LRRIQ3: variants seen among roughly 807,000 people sequenced by gnomAD.
The protein encoded by LRRIQ3 is leucine rich repeats and IQ motif containing 3, also known as leucine-rich repeat and IQ domain-containing protein 3.
A neutral mutation model predicts 59.3 loss-of-function variants in LRRIQ3; 75 were observed. The ratio of observed to expected loss-of-function variants is 1.26; its 90% CI spans 1.05 to 1.53. LRRIQ3 has a LOEUF of 1.53. LRRIQ3 is among the 40% of genes most tolerant of loss of function. The pLI is 0.00. For missense variants in LRRIQ3, 831 were observed against 710.0 expected, an observed-to-expected ratio of 1.17 and a Z score of -1.94; for synonymous variants, 250 against 231.3, an observed-to-expected ratio of 1.08 and a Z score of -0.73.
At chr1:74,050,578 A>G in intron 6 of LRRIQ3, 4 of 985,342 alleles carry the variant, frequency 4.1e-6, no homozygotes, top group Non-Finnish European at 4.8e-6. Context: ...CCATCTGTGA[A>G]GAAACAAATG....
intron 3 of LRRIQ3, chr1:74,182,323 T>A (rs1489124097): frequency 3.4e-6 from 1 of 294,018 alleles, no homozygotes; most frequent in Non-Finnish European, 6.1e-6. Flanking sequence ...TCTCTACAAT[T>A]TGATCATTTC....
chr1:74,099,204 TA>T (rs1646494378), intron 5 of LRRIQ3, among the ~76,000 whole-genome samples: 1 of 151,700 alleles, frequency 6.6e-6, no homozygotes, highest in Non-Finnish European at 1.5e-5. Flanking sequence ...ATAGACACAA[TA>T]AAAAATGATA....
At chr1:74,146,279 TTA>T (rs1386669511) in intron 4 of LRRIQ3, among the ~76,000 whole-genome samples, 1 of 152,112 alleles carries the variant, frequency 6.6e-6, no homozygotes, top group Admixed American at 6.6e-5. Flanking sequence ...AATAAAATAA[TTA>T]TGTTATTTAT....
At chr1:74,072,543 T>G (rs1655057079) in intron 6 of LRRIQ3, among the ~76,000 whole-genome samples, 1 of 151,948 alleles carries the variant, frequency 6.6e-6, no homozygotes, top group East Asian at 1.9e-4. Flanking sequence ...ATCACGTTCT[T>G]AAATTTCTTC....
intron 4 of LRRIQ3, among the ~76,000 whole-genome samples, chr1:74,143,069 T>A (rs1224040946): frequency 6.6e-6 from 1 of 152,026 alleles, no homozygotes; most frequent in Non-Finnish European, 1.5e-5. Flanking sequence ...TATTTTTTAT[T>A]CTGAGTTTCA....
rs142481743 is a variant in LRRIQ3 at position 74,105,765 on chromosome 1, T to C, written c.867+3629A>G. Among the ~76,000 whole-genome samples the C allele has an allele frequency of 3.7e-3, 568 of 152,124 alleles. 9 individuals are homozygous for C. Among genetic ancestry groups the C allele is most frequent in the African/African-American group, 0.013 (529 of 41,538 alleles). On this transcript the variant is annotated intron_variant, in intron 5 of 7. Coordinates refer to ENST00000354431, the MANE Select transcript of LRRIQ3 (RefSeq NM_001105659.2). ...TGATCTTACAAAATGGCACTCAACA[T>C]AGCATGTATATAGTTCCATGAGTCT...
intron 6 of LRRIQ3, among the ~76,000 whole-genome samples, chr1:74,046,342 A>G (rs768387063): frequency 6.6e-6 from 1 of 152,186 alleles, no homozygotes; most frequent in Non-Finnish European, 1.5e-5. Flanking sequence ...AACCTGACAA[A>G]AACAAGAAAT....
At chr1:74,120,544 C>A (rs1274265605) in intron 4 of LRRIQ3, among the ~76,000 whole-genome samples, 1 of 151,794 alleles carries the variant, frequency 6.6e-6, no homozygotes, top group Admixed American at 6.6e-5. Context: ...TATTTTGTAT[C>A]CAGCCACCAG....
At chr1:74,158,528 A>T (rs545973162) in intron 3 of LRRIQ3, among the ~76,000 whole-genome samples, 10 of 152,132 alleles carry the variant, frequency 6.6e-5, no homozygotes, top group Non-Finnish European at 1.3e-4. Context: ...TGGGAGACTC[A>T]GTTCCTTCCC....
chr1:74,041,658 T>G lies in LRRIQ3; in HGVS notation c.1273A>C (p.Lys425Gln). 6.2e-7 allele frequency: 1 copy of G among 1,613,822 alleles called. No homozygotes were observed. The highest frequency in any genetic ancestry group is 1.3e-5 in the African/African-American group (1 of 75,030). ...TGCTTCTTTTGTTCTGTGTAATATT[T>G]GTCAATATCACTAAATGTTCGGAGT... ...MKLRTFSDID[K>Q]YYTEQKKQEY... Residue 425 changes from lysine (K) to glutamine (Q), a missense_variant, in exon 7 of 8, where the codon AAA (lysine) becomes CAA (glutamine). Physicochemically the swap from Lys to Gln is moderately conservative, Grantham distance 53. Coordinates refer to ENST00000354431, the MANE Select transcript of LRRIQ3 (RefSeq NM_001105659.2).
intron 7 of LRRIQ3, among the ~76,000 whole-genome samples, chr1:74,036,178 G>T (rs932109438): frequency 7.9e-5 from 12 of 152,134 alleles, no homozygotes; most frequent in African/African-American, 2.9e-4. Flanking sequence ...GGCACACTAT[G>T]TATTTTAAGC....
At chr1:74,183,769 G>T in intron 1 of LRRIQ3, 85 bp from the exon 2 acceptor site, 1 of 1,205,466 alleles carries the variant, frequency 8.3e-7, no homozygotes, top group Non-Finnish European at 1.1e-6. Flanking sequence ...CCAAGAGATA[G>T]CGCAAGTAAA....
intron 5 of LRRIQ3, among the ~76,000 whole-genome samples, chr1:74,091,530 ACAAG>A (rs1646394488): frequency 6.6e-6 from 1 of 152,140 alleles, no homozygotes; most frequent in African/African-American, 2.4e-5. Flanking sequence ...AACGTAGCTA[ACAAG>A]AAAATTAGTG....
chr1:74,071,179 T>C (rs1338774296), intron 6 of LRRIQ3, among the ~76,000 whole-genome samples: 1 of 151,976 alleles, frequency 6.6e-6, no homozygotes, highest in Non-Finnish European at 1.5e-5. Context: ...TATATAGTTA[T>C]ATAATCTTTT....
chr1:74,092,023 CA>C (rs1459820361), intron 5 of LRRIQ3, among the ~76,000 whole-genome samples: 1 of 151,998 alleles, frequency 6.6e-6, no homozygotes, highest in African/African-American at 2.4e-5. Context: ...AAAATCTAGC[CA>C]AAGATATATT....
At chr1:74,125,127 G>C (rs1646917006) in intron 4 of LRRIQ3, among the ~76,000 whole-genome samples, 1 of 151,722 alleles carries the variant, frequency 6.6e-6, no homozygotes, top group Admixed American at 6.6e-5. Context: ...TATTGTTAAT[G>C]GGATTAATTT....
chr1:74,071,095 AT>A (rs1360750223), intron 6 of LRRIQ3, among the ~76,000 whole-genome samples: 1 of 151,332 alleles, frequency 6.6e-6, no homozygotes, highest in Non-Finnish European at 1.5e-5. Context: ...AGTTATATAT[AT>A]ATATAGGTTG....
chr1:74,062,876 C>T (rs182022288), intron 6 of LRRIQ3, among the ~76,000 whole-genome samples: 80 of 152,056 alleles, frequency 5.3e-4, no homozygotes, highest in South Asian at 3.9e-3. Context: ...AAATACCTAT[C>T]GGATACTATG....
chr1:74,171,572 A>G (rs1649322743), intron 3 of LRRIQ3, among the ~76,000 whole-genome samples: 1 of 152,174 alleles, frequency 6.6e-6, no homozygotes, highest in Non-Finnish European at 1.5e-5. Flanking sequence ...AAATTGCTGT[A>G]TCCATGTTCA....
Sources: gnomAD v4.1 joint callset for allele counts (sites outside exome capture counted in the v4.1 genomes callset) on GRCh38, gnomAD v4.1.1 for gene constraint, MANE v1.5 for transcripts, NCBI Gene and HGNC (gene_info 2026-07-23, HGNC 2026-07-21) for gene names.